Variants in CMTM4 observed in about 807,000 individuals in gnomAD.
CMTM4 encodes the protein CKLF like MARVEL transmembrane domain containing 4.
A neutral mutation model predicts 19.0 loss-of-function variants in CMTM4; 8 were observed. The observed-to-expected ratio is 0.42, with a 90% confidence interval of 0.25 to 0.76. The LOEUF is 0.76. Ranked by LOEUF, CMTM4 falls within the 30% of genes least tolerant of loss-of-function variation. CMTM4 has a pLI of 0.27. For synonymous variants in CMTM4, 106 were observed against 121.1 expected, an observed-to-expected ratio of 0.88 and a Z score of 0.82; for missense variants, 228 against 290.2, an observed-to-expected ratio of 0.79 and a Z score of 1.56.
At chr16:66,630,571 C>T (rs1052902287) in intron 2 of CMTM4, among the ~76,000 whole-genome samples, 10 of 151,962 alleles carry the variant, frequency 6.6e-5, no homozygotes, top group Non-Finnish European at 1.0e-4. Flanking sequence ...AGCTCCTAAC[C>T]GCGAGTGATC....
At chr16:66,642,036 T>C (rs2016105529) in intron 1 of CMTM4, among the ~76,000 whole-genome samples, 1 of 152,226 alleles carries the variant, frequency 6.6e-6, no homozygotes, top group South Asian at 2.1e-4. Flanking sequence ...TTGATAGGCA[T>C]TTAGATGGTT....
chr16:66,606,269 G>A, the CMTM4 span, among the ~76,000 whole-genome samples: 1 of 152,134 alleles, frequency 6.6e-6, no homozygotes. Context: ...GAGAGGAAGT[G>A]GCCCCAGAAA....
chr16:66,663,048 T>G (rs892245290), intron 1 of CMTM4, among the ~76,000 whole-genome samples: 1 of 152,170 alleles, frequency 6.6e-6, no homozygotes, highest in African/African-American at 2.4e-5. Context: ...ACAAAGGCTT[T>G]GAAACAGAAT....
downstream of CMTM4, chr16:66,610,032 G>A: frequency 1.2e-6 from 2 of 1,611,526 alleles, no homozygotes; most frequent in Non-Finnish European, 1.7e-6. The surrounding 1 kb of genome is among the most constrained non-coding windows in gnomAD (Gnocchi z 4.6). Flanking sequence ...CACCCCAGCA[G>A]TGCTGCAACA....
Position 66,626,499 on chromosome 16 carries a change from G to A in CMTM4, c.364-2997C>T, listed in dbSNP as rs946156454. Among the ~76,000 whole-genome samples, 7 of 152,284 alleles carry A rather than the reference G, an allele frequency of 4.6e-5. No homozygotes were observed. In the East Asian group the frequency reaches 9.7e-4, roughly 21 times the overall value. On this transcript the variant is annotated intron_variant, in intron 2 of 3. Coordinates refer to ENST00000394106, the MANE Select transcript of CMTM4 (RefSeq NM_181521.3). Reference sequence around the variant, plus strand: ...ATGCACCATGTAGTCCCAGTTACTCGGCAGGCTGAGGCAAGAGAATCGCTA... The same window carrying A: ...ATGCACCATGTAGTCCCAGTTACTCAGCAGGCTGAGGCAAGAGAATCGCTA...
chr16:66,659,549 T>A (rs2016464653), intron 1 of CMTM4, among the ~76,000 whole-genome samples: 1 of 152,204 alleles, frequency 6.6e-6, no homozygotes, highest in Admixed American at 6.5e-5. Context: ...CGTATGGATC[T>A]TGTTTAGATC....
At chr16:66,607,536 A>G in the CMTM4 span, among the ~76,000 whole-genome samples, 1 of 151,840 alleles carries the variant, frequency 6.6e-6, no homozygotes, top group African/African-American at 2.4e-5. Flanking sequence ...AGACATCAGG[A>G]CATTTCAACT....
At position 66,622,134 on chromosome 16, in the gene CMTM4, G is replaced by A; in HGVS notation, c.551C>T (p.Thr184Ile). Residue 184 changes from threonine (T) to isoleucine (I), a missense_variant, in exon 4 of 4, where the codon ACC becomes ATC. Transcript: ENST00000394106. The surrounding 1 kb of genome is among the most constrained non-coding windows in gnomAD (Gnocchi z 4.0). ...KWRVSVRQQS[T>I]NDYIRARTES... ...CGTGCGGGCTCGGATGTAGTCATTGGTGCTCTGCTGGCGGACGCTGACTCT... is the reference window on the plus strand; with the variant it reads ...CGTGCGGGCTCGGATGTAGTCATTGATGCTCTGCTGGCGGACGCTGACTCT... 6.2e-7 allele frequency: 1 copy of A among 1,612,344 alleles called. No homozygotes were observed. The highest frequency in any genetic ancestry group is 1.3e-5 in the African/African-American group (1 of 75,046).
chr16:66,685,924 C>A (rs796364350), intron 1 of CMTM4, among the ~76,000 whole-genome samples: 14 of 152,156 alleles, frequency 9.2e-5, no homozygotes, highest in Non-Finnish European at 1.9e-4. Context: ...GGATTACAGG[C>A]ATGAGCCACT....
At chr16:66,610,688 C>G (rs981543412), downstream of CMTM4, among the ~76,000 whole-genome samples, 3 of 152,104 alleles carry the variant, frequency 2.0e-5, no homozygotes, top group Admixed American at 1.3e-4. This position sits in a 1 kb window ranked among gnomAD's most constrained non-coding sequence, Gnocchi z 4.6. Flanking sequence ...TGGGGAGATG[C>G]TTCTCTGGAC....
rs971172744 is a variant in CMTM4, at chr16:66,625,527, T to C, written c.364-2025A>G. ...AGTTTTAAATTTGCTTTAGTAATGA[T>C]CATTAACAGTAGTGAGTGAAGAATG... On this transcript the variant is annotated intron_variant, in intron 2 of 3. Transcript: ENST00000394106. Among the ~76,000 whole-genome samples, 10 of 151,806 alleles carry C rather than the reference T, an allele frequency of 6.6e-5. 1 individual carries two copies. The highest frequency in any genetic ancestry group is 1.3e-4 in the Non-Finnish European group (9 of 68,000).
chr16:66,603,017 GA>G, the CMTM4 span, among the ~76,000 whole-genome samples: 7 of 152,190 alleles, frequency 4.6e-5, no homozygotes, highest in Non-Finnish European at 1.0e-4. Flanking sequence ...AACATCAAGA[GA>G]AAAAGAGATA....
intron 1 of CMTM4, among the ~76,000 whole-genome samples, chr16:66,670,663 G>A (rs896311221): frequency 1.3e-5 from 2 of 152,026 alleles, no homozygotes; most frequent in Non-Finnish European, 2.9e-5. Context: ...AGCTGGGCGT[G>A]GTGGCACGAA....
At chr16:66,607,153 G>C in the CMTM4 span, among the ~76,000 whole-genome samples, 1 of 152,190 alleles carries the variant, frequency 6.6e-6, no homozygotes, top group African/African-American at 2.4e-5. Context: ...GTGAGCCTCA[G>C]GGTACCAGGC....
At chr16:66,686,818 C>A (rs1236216666) in intron 1 of CMTM4, among the ~76,000 whole-genome samples, 1 of 151,926 alleles carries the variant, frequency 6.6e-6, no homozygotes, top group East Asian at 1.9e-4. Context: ...TGAAATTTAA[C>A]CAAAAATAAT....
chr16:66,633,743 G>A (rs756179903), intron 2 of CMTM4, among the ~76,000 whole-genome samples: 7 of 151,664 alleles, frequency 4.6e-5, no homozygotes, highest in South Asian at 4.2e-4. Flanking sequence ...ACTTGAACCC[G>A]GGAGGCAAAG....
chr16:66,683,449 G>A (rs949086309), intron 1 of CMTM4, among the ~76,000 whole-genome samples: 4 of 149,434 alleles, frequency 2.7e-5, no homozygotes, highest in African/African-American at 7.4e-5. Context: ...CCACCACCAC[G>A]GCCAGCTAAT....
intron 1 of CMTM4, among the ~76,000 whole-genome samples, chr16:66,684,153 A>AAT (rs1190267187): frequency 2.6e-5 from 4 of 152,008 alleles, no homozygotes; most frequent in Non-Finnish European, 5.9e-5. Context: ...GACTGTTTGA[A>AAT]ATATAATTAG....
At position 66,620,060 on chromosome 16, in the gene CMTM4, C is replaced by A. The variant is rs1365525798; in HGVS notation, c.*1998G>T. 3 of 985,322 alleles carry A rather than the reference C, an allele frequency of 3.0e-6. No individual in the cohort carries two copies. Among genetic ancestry groups the A allele is most frequent in the Non-Finnish European group, 3.6e-6 (3 of 829,942 alleles). 61.0% of individuals were successfully genotyped at this position (985,322 alleles called of 1,614,324 possible). A position where few individuals can be genotyped will look rare whatever the true frequency, so the allele number is the denominator to read the frequency against. ...TGGGAAAACTTGGGCAACAAGCCCA[C>A]CTGAATGGTGTTCTTGTTTTCAATC... On this transcript the variant is annotated 3_prime_UTR_variant, in exon 4 of 4. Transcript: ENST00000394106.
Sources: allele counts gnomAD v4.1 joint callset (sites outside exome capture counted in the v4.1 genomes callset), GRCh38; gene constraint gnomAD v4.1.1; non-coding constraint Gnocchi (gnomAD v3.1); transcripts MANE v1.5; gene names NCBI Gene and HGNC (gene_info 2026-07-23, HGNC 2026-07-21).